NR6A1: variants seen among roughly 807,000 people sequenced by gnomAD.
NR6A1 encodes the protein nuclear receptor subfamily 6 group A member 1.
NR6A1 carries 7 observed loss-of-function variants against 59.1 expected under a neutral mutation model. The ratio of observed to expected loss-of-function variants is 0.12; its 90% confidence interval spans 0.07 to 0.22. The LOEUF is 0.22. Among genes scored for constraint, NR6A1 ranks in the 10% least tolerant of loss-of-function variants. The probability of loss-of-function intolerance (pLI) is 1.00; values close to 1 mark genes in which losing one functional copy is unlikely to be tolerated. For synonymous variants in NR6A1, 243 were observed against 236.1 expected (o/e 1.03, Z -0.27); for missense variants, 468 against 611.6 (o/e 0.77, Z 2.48).
chr9:124,587,654 T>C (rs969774180), intron 2 of NR6A1, among the ~76,000 whole-genome samples: 2 of 152,232 alleles, frequency 1.3e-5, no homozygotes, highest in African/African-American at 2.4e-5. Context: ...TATTGGCCAT[T>C]CCCATTCTTA....
At chr9:124,715,106 G>C (rs533877148) in intron 2 of NR6A1, among the ~76,000 whole-genome samples, 3 of 151,942 alleles carry the variant, frequency 2.0e-5, no homozygotes, top group Non-Finnish European at 4.4e-5. Context: ...GCTGAGGCAG[G>C]AGAATCGCTT....
At chr9:124,654,618 C>T (rs975592163) in intron 2 of NR6A1, among the ~76,000 whole-genome samples, 1 of 152,058 alleles carries the variant, frequency 6.6e-6, no homozygotes, top group Non-Finnish European at 1.5e-5. Context: ...AGCTTGCATA[C>T]TTTGGTTCCT....
intron 2 of NR6A1, among the ~76,000 whole-genome samples, chr9:124,603,687 C>T (rs867707910): frequency 1.3e-5 from 2 of 152,096 alleles, no homozygotes; most frequent in Non-Finnish European, 2.9e-5. Flanking sequence ...TTTTGCCAAC[C>T]AGTGTATCTC....
At chr9:124,729,704 C>T (rs1474594336) in intron 2 of NR6A1, among the ~76,000 whole-genome samples, 1 of 152,212 alleles carries the variant, frequency 6.6e-6, no homozygotes, top group Non-Finnish European at 1.5e-5. Flanking sequence ...TAACACAACA[C>T]ACATAGCCCA....
intron 1 of NR6A1, among the ~76,000 whole-genome samples, chr9:124,751,228 C>T (rs550710238): frequency 6.6e-6 from 1 of 152,336 alleles, no homozygotes; most frequent in Admixed American, 6.5e-5. Context: ...CACCCAAGTA[C>T]TAATTAGGCT....
intron 2 of NR6A1, among the ~76,000 whole-genome samples, chr9:124,664,692 G>A (rs28601866): frequency 0.018 from 2,717 of 152,224 alleles, 82 homozygotes; most frequent in African/African-American, 0.062. Context: ...TCAGCAGATG[G>A]TACTGGGTTC....
intron 2 of NR6A1, among the ~76,000 whole-genome samples, chr9:124,589,212 T>G (rs4836982): frequency 2.6e-5 from 4 of 152,006 alleles, no homozygotes; most frequent in Non-Finnish European, 5.9e-5. Context: ...TTTGGGTGGC[T>G]GAGGCGGGTG....
Position 124,553,742 on chromosome 9 carries a change from T to C in NR6A1, c.385+586A>G, listed in dbSNP as rs1207641944. On this transcript the variant is annotated intron_variant, in intron 3 of 9. Transcript: ENST00000487099. ...CCTTCAGATCCTTCAGATTTCCTTCTAGACTCTACTAAAAACTTTCTAGGT... is the reference window on the plus strand; with the variant it reads ...CCTTCAGATCCTTCAGATTTCCTTCCAGACTCTACTAAAAACTTTCTAGGT... 5.9e-5 allele frequency among the ~76,000 whole-genome samples: 9 copies of C among 151,968 alleles called. 1 individual carries two copies. In the East Asian group the frequency reaches 1.7e-3, roughly 29 times the overall value.
intron 2 of NR6A1, among the ~76,000 whole-genome samples, chr9:124,643,777 AGAG>A (rs1836843534): frequency 1.6e-5 from 2 of 123,286 alleles, no homozygotes; most frequent in African/African-American, 4.8e-5. Context: ...AAAAAAAAAG[AGAG>A]AGAGAGAGAA....
At chr9:124,539,063 T>G (rs1487129998) in intron 5 of NR6A1, among the ~76,000 whole-genome samples, 1 of 152,056 alleles carries the variant, frequency 6.6e-6, no homozygotes, top group African/African-American at 2.4e-5. Context: ...AAAAAAGTAT[T>G]TAATTAACAA....
At chr9:124,722,869 C>T (rs1007864332) in intron 2 of NR6A1, among the ~76,000 whole-genome samples, 3 of 151,974 alleles carry the variant, frequency 2.0e-5, no homozygotes, top group Non-Finnish European at 4.4e-5. Flanking sequence ...TACAGGTACA[C>T]GCCTAGAGTC....
At chr9:124,626,656 C>T (rs1029122593) in intron 2 of NR6A1, among the ~76,000 whole-genome samples, 4 of 152,244 alleles carry the variant, frequency 2.6e-5, no homozygotes, top group East Asian at 3.9e-4. Flanking sequence ...GAGCTTCAGG[C>T]GGGGCGTGGT....
chr9:124,598,939 T>C, intron 2 of NR6A1: 1 of 704,550 alleles, frequency 1.4e-6, no homozygotes, highest in Non-Finnish European at 2.7e-6. Flanking sequence ...CGTTCCAGAC[T>C]CAGGCATGGT....
At chr9:124,535,743 C>G (rs528050983) in intron 7 of NR6A1, 135 bp downstream of exon 7, 2 of 1,115,986 alleles carry the variant, frequency 1.8e-6, no homozygotes, top group Admixed American at 4.3e-5. Context: ...CAAATCTAGT[C>G]AGTGGCAGAG....
chr9:124,633,402 CAAAAAAA>C (rs11337023), intron 2 of NR6A1, among the ~76,000 whole-genome samples: 34 of 72,730 alleles, frequency 4.7e-4, no homozygotes, highest in African/African-American at 1.7e-3. Flanking sequence ...AACTCCGTCT[CAAAAAAA>C]AAAAAAAAAA....
intron 2 of NR6A1, among the ~76,000 whole-genome samples, chr9:124,718,466 T>G (rs150063203): frequency 1.3e-3 from 192 of 152,320 alleles, no homozygotes; most frequent in African/African-American, 4.4e-3. Context: ...TAGAACAATT[T>G]CAAGATAACA....
chr9:124,526,661 T>C (rs907312204), intron 8 of NR6A1, 118 bp downstream of exon 8: 3 of 1,432,172 alleles, frequency 2.1e-6, no homozygotes, highest in South Asian at 1.3e-5. Flanking sequence ...GAAACCCAGA[T>C]GGTGTGATGG....
At position 124,522,566 on chromosome 9, in the gene NR6A1, CA is replaced by C; in HGVS notation, c.*138del. 3.6e-6 allele frequency: 2 copies of C among 553,690 alleles called. No individual in the cohort carries two copies. The highest frequency in any genetic ancestry group is 6.3e-6 in the Non-Finnish European group (2 of 315,336). 34.3% of individuals were successfully genotyped at this position (553,690 alleles called of 1,614,324 possible). Reference sequence around the variant, plus strand: ...GAGGTTAAAAAAACAGACAAACAAACAAAAACTCTTCTTGCTATGGAGGCAA... The same window carrying C: ...GAGGTTAAAAAAACAGACAAACAAACAAAACTCTTCTTGCTATGGAGGCAA... On this transcript the variant is annotated 3_prime_UTR_variant, in exon 10 of 10. Transcript: ENST00000487099.
At chr9:124,574,244 G>C (rs896843266) in intron 2 of NR6A1, among the ~76,000 whole-genome samples, 1 of 152,168 alleles carries the variant, frequency 6.6e-6, no homozygotes, top group African/African-American at 2.4e-5. Context: ...GCACCTATAT[G>C]TTTGTCATAT....
Sources: allele counts gnomAD v4.1 joint callset (sites outside exome capture counted in the v4.1 genomes callset), GRCh38; gene constraint gnomAD v4.1.1; transcripts MANE v1.5; gene names NCBI Gene and HGNC (gene_info 2026-07-23, HGNC 2026-07-21).